NT5DC1: variants seen among roughly 807,000 people sequenced by gnomAD.
NT5DC1 encodes the protein 5'-nucleotidase domain-containing protein 1.
In NT5DC1, 42 loss-of-function variants were observed where a neutral mutation model predicts 59.4. The ratio of observed to expected loss-of-function variants is 0.71; its 90% CI spans 0.55 to 0.92. NT5DC1 has a LOEUF of 0.92. Among genes scored for constraint, NT5DC1 ranks in the 40% least tolerant of loss-of-function variants. The pLI, the probability that NT5DC1 is intolerant of heterozygous loss-of-function variation, is 0.00. For synonymous variants in NT5DC1, 172 were observed against 188.1 expected (o/e 0.91, Z 0.70); for missense variants, 501 against 537.1 (o/e 0.93, Z 0.66).
Position 116,243,833 on chromosome 6 carries a change from G to A in NT5DC1, c.1253-76G>A. The A allele has an allele frequency of 6.7e-6, 4 of 594,716 alleles. No homozygotes were observed. In the South Asian group the frequency reaches 9.7e-5, roughly 14 times the overall value. 36.8% of individuals were successfully genotyped at this position (594,716 alleles called of 1,614,324 possible). ...CGTCTAAAAAATAAGTTTTATTAGT[G>A]AATATCAAGTTTTGATTTGTTTATG... On this transcript the variant is annotated intron_variant, in intron 11 of 11. Transcript: ENST00000319550.
At chr6:116,204,359 A>G (rs1256053881) in intron 6 of NT5DC1, among the ~76,000 whole-genome samples, 1 of 152,010 alleles carries the variant, frequency 6.6e-6, no homozygotes, top group Non-Finnish European at 1.5e-5. Flanking sequence ...TGACTGAGAA[A>G]GATTCAAAAA....
chr6:116,119,688 A>C (rs1779046642), intron 6 of NT5DC1: 1 of 180,438 alleles, frequency 5.5e-6, no homozygotes, highest in Non-Finnish European at 1.2e-5. Context: ...GCTTTTTTAA[A>C]AAGGAAATGC....
At chr6:116,219,894 G>A (rs6909037) in intron 6 of NT5DC1, among the ~76,000 whole-genome samples, 14,993 of 149,890 alleles carry the variant, frequency 0.1, 1,243 homozygotes, top group African/African-American at 0.23. Flanking sequence ...CCCGGGAGGC[G>A]GAGGTTGCAG....
At chr6:116,169,983 A>G (rs971714387) in intron 6 of NT5DC1, among the ~76,000 whole-genome samples, 3 of 152,200 alleles carry the variant, frequency 2.0e-5, no homozygotes, top group Non-Finnish European at 4.4e-5. Flanking sequence ...AAAGAGAATT[A>G]GTCACCTGTT....
chr6:116,169,678 C>T (rs1780562515), intron 6 of NT5DC1, among the ~76,000 whole-genome samples: 1 of 152,108 alleles, frequency 6.6e-6, no homozygotes, highest in Non-Finnish European at 1.5e-5. Context: ...ATGGATAAAA[C>T]ATGAGGAATG....
intron 6 of NT5DC1, among the ~76,000 whole-genome samples, chr6:116,214,979 G>T (rs528793416): frequency 1.3e-5 from 2 of 152,034 alleles, no homozygotes; most frequent in Non-Finnish European, 2.9e-5. Flanking sequence ...TCTCTAGGGT[G>T]GGGGGCATAG....
intron 6 of NT5DC1, among the ~76,000 whole-genome samples, chr6:116,136,702 C>T (rs1471434972): frequency 1.3e-5 from 2 of 152,108 alleles, no homozygotes; most frequent in Non-Finnish European, 2.9e-5. Context: ...AGATAAAAAT[C>T]CATATGCTGT....
At chr6:116,221,691 T>C (rs778303864) in intron 7 of NT5DC1, among the ~76,000 whole-genome samples, 1 of 152,168 alleles carries the variant, frequency 6.6e-6, no homozygotes, top group Non-Finnish European at 1.5e-5. Context: ...GGCAGTATAA[T>C]TGCATAGACT....
chr6:116,231,249 T>C (rs770958576), intron 8 of NT5DC1, among the ~76,000 whole-genome samples: 1 of 148,540 alleles, frequency 6.7e-6, no homozygotes, highest in Non-Finnish European at 1.5e-5. Context: ...TTACTAGACA[T>C]TTTACTTGAA....
At chr6:116,119,928 G>T (rs1383740082) in intron 6 of NT5DC1, 3 of 782,940 alleles carry the variant, frequency 3.8e-6, no homozygotes, top group East Asian at 2.5e-5. Context: ...CAGGGGGAAG[G>T]TTTGTTGGTC....
At chr6:116,157,560 T>C (rs983865721) in intron 6 of NT5DC1, among the ~76,000 whole-genome samples, 1 of 152,182 alleles carries the variant, frequency 6.6e-6, no homozygotes, top group Non-Finnish European at 1.5e-5. Context: ...CAATGGGGGA[T>C]CAAGTGTATG....
At chr6:116,103,948 A>G (rs1011133581) in intron 1 of NT5DC1, among the ~76,000 whole-genome samples, 1 of 152,138 alleles carries the variant, frequency 6.6e-6, no homozygotes, top group African/African-American at 2.4e-5. Context: ...GCATTTTTAA[A>G]TTTTATCTGG....
At position 116,120,402 on chromosome 6, in the gene NT5DC1, C is replaced by T. The variant is rs768520974; in HGVS notation, c.529+2457C>T. The stretch of plus-strand genomic sequence containing the variant: ...TGTTGCCTGTTATACAAAATTTTAT[C>T]AAATGGTATGGGAGTTCCTATTGCT... On this transcript the variant is annotated intron_variant, in intron 6 of 11. Coordinates refer to ENST00000319550, the MANE Select transcript of NT5DC1 (RefSeq NM_152729.3). The T allele has an allele frequency of 3.1e-6, 5 of 1,614,238 alleles. No individual in the cohort carries two copies. In the South Asian group the frequency reaches 5.5e-5, roughly 18 times the overall value.
intron 6 of NT5DC1, among the ~76,000 whole-genome samples, chr6:116,173,518 A>C (rs1234873712): frequency 6.6e-6 from 1 of 152,048 alleles, no homozygotes; most frequent in Non-Finnish European, 1.5e-5. Flanking sequence ...CTTCATGTAG[A>C]GGGTTCCCGC....
At chr6:116,239,188 CT>C in intron 11 of NT5DC1, 65 bp downstream of exon 11, 4 of 1,191,798 alleles carry the variant, frequency 3.4e-6, no homozygotes, top group Non-Finnish European at 3.6e-6. Flanking sequence ...TACTAGAATT[CT>C]TGTCTTTAAG....
chr6:116,234,041 A>G lies in NT5DC1; in HGVS notation c.803-2925A>G, dbSNP rs561416462. ...CATCCAGGCTGAAGTCCAGTCTGCA[A>G]TCGCCACCTCCTGGGTTCAAGCAAT... is the stretch of plus-strand genomic sequence containing the variant. On this transcript the variant is annotated intron_variant, in intron 8 of 11. Transcript: ENST00000319550. 6.3e-5 allele frequency among the ~76,000 whole-genome samples: 9 copies of G among 142,764 alleles called. No homozygotes were observed. The East Asian group carries it at 1.3e-3, about 21-fold the overall frequency. The allele number at this position is 142,764 out of a possible 152,430, so 93.7% of individuals were successfully genotyped here. A position where few individuals can be genotyped will look rare whatever the true frequency, so the allele number is the denominator to read the frequency against.
intron 6 of NT5DC1, among the ~76,000 whole-genome samples, chr6:116,215,872 A>G (rs1275255273): frequency 1.3e-5 from 2 of 152,134 alleles, no homozygotes; most frequent in South Asian, 4.1e-4. Context: ...CCGACCCAAA[A>G]TCATATTTAT....
chr6:116,178,088 T>TGC (rs770350675), intron 6 of NT5DC1, among the ~76,000 whole-genome samples: 15 of 99,666 alleles, frequency 1.5e-4, no homozygotes, highest in East Asian at 1.2e-3. Context: ...TGTGTGTGTG[T>TGC]GCGCGCGCGC....
intron 6 of NT5DC1, among the ~76,000 whole-genome samples, chr6:116,171,334 T>C (rs1780602501): frequency 1.3e-5 from 2 of 152,200 alleles, no homozygotes; most frequent in Non-Finnish European, 2.9e-5. Context: ...AAGCATTATT[T>C]TGTGGATTTT....
Sources: allele counts gnomAD v4.1 joint callset (sites outside exome capture counted in the v4.1 genomes callset), GRCh38; gene constraint gnomAD v4.1.1; transcripts MANE v1.5; gene names NCBI Gene and HGNC (gene_info 2026-07-23, HGNC 2026-07-21).